PDE3B: variants seen among roughly 807,000 people sequenced by gnomAD.
PDE3B encodes the protein cGMP-inhibited 3',5'-cyclic phosphodiesterase 3B.
Under a neutral mutation model 116.8 loss-of-function variants are expected in PDE3B, and 66 were observed. The observed-to-expected ratio is 0.56, with a 90% CI of 0.46 to 0.69. The LOEUF (loss-of-function observed/expected upper bound fraction) is 0.69. Ranked by LOEUF, PDE3B falls within the 30% of genes least tolerant of loss-of-function variation. The pLI is 0.00. For missense variants in PDE3B, 1,384 were observed against 1,368.1 expected (o/e 1.01, Z -0.18); for synonymous variants, 595 against 533.6 (o/e 1.12, Z -1.59).
the PDE3B span, chr11:14,892,067 G>C: frequency 6.2e-7 from 1 of 1,612,184 alleles, no homozygotes; most frequent in Non-Finnish European, 8.5e-7. Context: ...CCGATAAATG[G>C]CAGCCCCGGC....
downstream of PDE3B, among the ~76,000 whole-genome samples, chr11:14,876,243 G>A (rs1555009693): frequency 6.6e-6 from 1 of 152,140 alleles, no homozygotes; most frequent in Non-Finnish European, 1.5e-5. Context: ...GGGGCAGGAT[G>A]TGACGGCTCA....
intron 3 of PDE3B, among the ~76,000 whole-genome samples, chr11:14,787,490 T>A (rs901141924): frequency 6.6e-6 from 1 of 151,956 alleles, no homozygotes; most frequent in African/African-American, 2.4e-5. Context: ...AACTTAGAAA[T>A]AGGTAAATAT....
At chr11:14,812,469 C>G (rs907855109) in intron 5 of PDE3B, among the ~76,000 whole-genome samples, 4 of 151,958 alleles carry the variant, frequency 2.6e-5, no homozygotes, top group Non-Finnish European at 5.9e-5. Context: ...TCGGAAGAAG[C>G]TAAAGCAGTG....
intron 7 of PDE3B, 24 bp downstream of exon 7, chr11:14,819,233 A>G: frequency 1.4e-6 from 2 of 1,433,218 alleles, no homozygotes; most frequent in East Asian, 4.6e-5. Context: ...AGTCATATGT[A>G]TTTGAGTTTA....
At chr11:14,693,776 T>G (rs1309265715) in intron 1 of PDE3B, among the ~76,000 whole-genome samples, 1 of 152,186 alleles carries the variant, frequency 6.6e-6, no homozygotes, top group East Asian at 1.9e-4. Flanking sequence ...AAACATAACA[T>G]CCATTCTGCA....
intron 1 of PDE3B, among the ~76,000 whole-genome samples, chr11:14,672,028 A>AAT (rs1401968203): frequency 3.6e-3 from 505 of 140,782 alleles, no homozygotes; most frequent in African/African-American, 8.0e-3. Context: ...AAAAAAAAAA[A>AAT]ATATATATAT....
At chr11:14,841,361 A>AT (rs1860218056) in intron 11 of PDE3B, among the ~76,000 whole-genome samples, 1 of 147,546 alleles carries the variant, frequency 6.8e-6, no homozygotes, top group Non-Finnish European at 1.5e-5. Flanking sequence ...ATATATATAT[A>AT]AAATATATAT....
chr11:14,669,101 A>T (rs927021410), intron 1 of PDE3B, among the ~76,000 whole-genome samples: 1 of 152,208 alleles, frequency 6.6e-6, no homozygotes, highest in Admixed American at 6.5e-5. Flanking sequence ...GCAACAGCAG[A>T]TAGCCGTTAT....
intron 1 of PDE3B, among the ~76,000 whole-genome samples, chr11:14,695,313 AG>A (rs1193235211): frequency 2.0e-5 from 3 of 152,124 alleles, no homozygotes; most frequent in Admixed American, 6.5e-5. Flanking sequence ...AGTGTTCCAT[AG>A]TTTGAATGGA....
At chr11:14,791,188 T>A (rs1434705987) in intron 4 of PDE3B, among the ~76,000 whole-genome samples, 7 of 152,226 alleles carry the variant, frequency 4.6e-5, no homozygotes, top group Non-Finnish European at 8.8e-5. Flanking sequence ...CTTTAGACTT[T>A]AGTAGCACAA....
intron 12 of PDE3B, among the ~76,000 whole-genome samples, chr11:14,852,045 C>T (rs1847764080): frequency 6.6e-6 from 1 of 152,106 alleles, no homozygotes; most frequent in African/African-American, 2.4e-5. Flanking sequence ...CTAGTCCACT[C>T]TGCTGTTTTG....
downstream of PDE3B, among the ~76,000 whole-genome samples, chr11:14,876,813 C>T (rs2134003608): frequency 6.6e-6 from 1 of 152,246 alleles, no homozygotes; most frequent in South Asian, 2.1e-4. Flanking sequence ...TCTTTGATTA[C>T]ACCATGTAAC....
chr11:14,806,497 A>G (rs1241806582), intron 5 of PDE3B, among the ~76,000 whole-genome samples: 1 of 151,678 alleles, frequency 6.6e-6, no homozygotes, highest in Non-Finnish European at 1.5e-5. Flanking sequence ...ACGTATGTTT[A>G]TTGTGGCAGT....
At chr11:14,826,907 G>A (rs1859710860) in intron 7 of PDE3B, among the ~76,000 whole-genome samples, 2 of 152,112 alleles carry the variant, frequency 1.3e-5, no homozygotes, top group Admixed American at 1.3e-4. Context: ...GAAAATTGAT[G>A]CAAAAATCCT....
intron 1 of PDE3B, among the ~76,000 whole-genome samples, chr11:14,662,310 A>C (rs554004421): frequency 6.6e-6 from 1 of 152,328 alleles, no homozygotes; most frequent in African/African-American, 2.4e-5. Context: ...CCATCTGTAC[A>C]TCACCATCAT....
At chr11:14,891,575 AGCC>A in the PDE3B span, 1 of 1,031,936 alleles carries the variant, frequency 9.7e-7, no homozygotes, top group Non-Finnish European at 1.2e-6. Context: ...TTTTCCGACA[AGCC>A]GCGTGCAGCT....
downstream of PDE3B, among the ~76,000 whole-genome samples, chr11:14,873,238 C>T (rs1354755461): frequency 6.6e-6 from 1 of 152,200 alleles, no homozygotes; most frequent in African/African-American, 2.4e-5. Flanking sequence ...CCTTACAAAA[C>T]CCACTGTTCT....
At chr11:14,853,833 G>A (rs533556004) in intron 12 of PDE3B, among the ~76,000 whole-genome samples, 1 of 152,342 alleles carries the variant, frequency 6.6e-6, no homozygotes, top group Admixed American at 6.5e-5. Flanking sequence ...CAAATGAGAA[G>A]TTGGCTGAAA....
At chr11:14,768,429 G>A (rs752330768) in intron 1 of PDE3B, among the ~76,000 whole-genome samples, 2 of 151,340 alleles carry the variant, frequency 1.3e-5, no homozygotes, top group South Asian at 2.1e-4. Flanking sequence ...TAAGCATATC[G>A]CAATGTGTAT....
Sources: gnomAD v4.1 joint callset for allele counts (sites outside exome capture counted in the v4.1 genomes callset) on GRCh38, gnomAD v4.1.1 for gene constraint, MANE v1.5 for transcripts, NCBI Gene and HGNC (gene_info 2026-07-23, HGNC 2026-07-21) for gene names.